RBM38: variants seen among roughly 807,000 people sequenced by gnomAD.
RBM38 encodes RNA binding motif protein 38, also known as RNA-binding protein 38.
In RBM38, 11 loss-of-function variants were observed where a neutral mutation model predicts 23.5. That is an observed-to-expected ratio of 0.47 (90% CI 0.29 to 0.77). The LOEUF is 0.77. Among genes scored for constraint, RBM38 ranks in the 30% least tolerant of loss-of-function variants. The pLI, the probability that RBM38 is intolerant of heterozygous loss-of-function variation, is 0.08. For synonymous variants in RBM38, 165 were observed against 166.1 expected, an observed-to-expected ratio of 0.99 and a Z score of 0.05; for missense variants, 330 against 351.9, an observed-to-expected ratio of 0.94 and a Z score of 0.50.
intron 3 of RBM38, among the ~76,000 whole-genome samples, chr20:57,395,831 C>T (rs2146205486): frequency 6.6e-6 from 1 of 152,312 alleles, no homozygotes; most frequent in Non-Finnish European, 1.5e-5. Flanking sequence ...CAATCAGGCC[C>T]CGGGAGCACA....
intron 3 of RBM38, among the ~76,000 whole-genome samples, chr20:57,396,028 T>A (rs1175953829): frequency 6.6e-6 from 1 of 152,242 alleles, no homozygotes; most frequent in Non-Finnish European, 1.5e-5. Flanking sequence ...TACCTTGCCC[T>A]GGACAACTCT....
rs1432356727 is a variant in RBM38, at chr20:57,407,407, G to A, written c.417-136G>A. ...AGGCGGCAGCATCTGGCCAGGTGCT[G>A]TTTCTGTGCCCATCTGACCGATGAG... On this transcript the variant is annotated intron_variant, in intron 3 of 3. Transcript: ENST00000356208. The surrounding 1 kb of genome is among the most constrained non-coding windows in gnomAD (Gnocchi z 4.0). 8.8e-6 allele frequency: 9 copies of A among 1,025,170 alleles called. No individual in the cohort carries two copies. The highest frequency in any genetic ancestry group is 2.3e-5 in the Admixed American group (1 of 43,564). 63.5% of individuals were successfully genotyped at this position (1,025,170 alleles called of 1,614,324 possible).
chr20:57,396,839 A>G (rs1415934549), intron 3 of RBM38, among the ~76,000 whole-genome samples: 1 of 152,216 alleles, frequency 6.6e-6, no homozygotes, highest in Non-Finnish European at 1.5e-5. Flanking sequence ...ACGGCTCCAG[A>G]CATCCCACCC....
At chr20:57,392,435 CTTGAACT>C (rs770029294) in intron 1 of RBM38, 50 of 1,530,538 alleles carry the variant, frequency 3.3e-5, no homozygotes, top group Non-Finnish European at 4.3e-5. Flanking sequence ...TTTCCCAGGC[CTTGAACT>C]TTGACGGGAG....
At chr20:57,393,372 G>A (rs1225525332) in intron 3 of RBM38, 39 bp downstream of exon 3, 2 of 1,601,720 alleles carry the variant, frequency 1.2e-6, no homozygotes, top group Non-Finnish European at 1.7e-6. Context: ...GTAGTCCGTG[G>A]AGATGAAGTG....
chr20:57,396,635 G>A (rs886127169), intron 3 of RBM38, among the ~76,000 whole-genome samples: 2 of 152,196 alleles, frequency 1.3e-5, no homozygotes, highest in African/African-American at 4.8e-5. Flanking sequence ...TGCCTCATAT[G>A]TACATTATAG....
intron 2 of RBM38, 24 bp downstream of exon 2, chr20:57,392,801 T>G: frequency 6.2e-7 from 1 of 1,608,378 alleles, no homozygotes; most frequent in Non-Finnish European, 8.5e-7. Context: ...TTTTCCTGCC[T>G]GGCTCTTCTC....
intron 3 of RBM38, among the ~76,000 whole-genome samples, chr20:57,406,807 C>A (rs987206644): frequency 6.6e-6 from 1 of 152,108 alleles, no homozygotes; most frequent in African/African-American, 2.4e-5. Context: ...TCCTGGCTAA[C>A]ACGGTGAAAC....
At position 57,405,217 on chromosome 20, in the gene RBM38, T is replaced by A. The variant is rs552770820; in HGVS notation, c.417-2326T>A. On this transcript the variant is annotated intron_variant, in intron 3 of 3. Transcript: ENST00000356208. ...TGAGCCCCCCACTCTGGTTTATGGGTTGGTGCATTTTGGTGCCTCTCCCAT... is the reference window on the plus strand; with the variant it reads ...TGAGCCCCCCACTCTGGTTTATGGGATGGTGCATTTTGGTGCCTCTCCCAT... Among the ~76,000 whole-genome samples, 299 of 152,262 alleles carry A rather than the reference T, an allele frequency of 2.0e-3. 1 individual carries two copies. Among genetic ancestry groups the A allele is most frequent in the Non-Finnish European group, 1.6e-3 (110 of 68,010 alleles).
intron 3 of RBM38, among the ~76,000 whole-genome samples, chr20:57,404,378 C>T (rs898875922): frequency 6.6e-5 from 10 of 152,276 alleles, no homozygotes; most frequent in African/African-American, 2.4e-4. Flanking sequence ...GAGGCAGGGG[C>T]ATCACTGCCC....
At chr20:57,406,169 C>T (rs997410619) in intron 3 of RBM38, among the ~76,000 whole-genome samples, 3 of 152,328 alleles carry the variant, frequency 2.0e-5, no homozygotes, top group Non-Finnish European at 2.9e-5. Context: ...TCTGATGCCG[C>T]GGAGGTGGCT....
At chr20:57,394,079 C>T (rs992623119) in intron 3 of RBM38, among the ~76,000 whole-genome samples, 8 of 152,156 alleles carry the variant, frequency 5.3e-5, no homozygotes, top group African/African-American at 1.9e-4. Context: ...GCCCTAGCGC[C>T]GTGGCATATT....
At chr20:57,393,155 G>A in intron 2 of RBM38, 124 bp from the exon 3 acceptor site, 1 of 946,998 alleles carries the variant, frequency 1.1e-6, no homozygotes, top group South Asian at 1.4e-5. Context: ...TGGGAGGGGA[G>A]AGGAAGCGGA....
At chr20:57,400,041 T>C in intron 3 of RBM38, 1 of 453,538 alleles carries the variant, frequency 2.2e-6, no homozygotes, top group South Asian at 1.6e-5. Flanking sequence ...TGTACTTCTC[T>C]CTCCCGCCCA....
At chr20:57,393,928 C>G (rs1318928138) in intron 3 of RBM38, among the ~76,000 whole-genome samples, 1 of 152,108 alleles carries the variant, frequency 6.6e-6, no homozygotes, top group Non-Finnish European at 1.5e-5. Flanking sequence ...CATCCTAAAA[C>G]GCCTCCCACC....
chr20:57,396,531 T>G (rs2067276362), intron 3 of RBM38, among the ~76,000 whole-genome samples: 2 of 152,204 alleles, frequency 1.3e-5, no homozygotes, highest in African/African-American at 4.8e-5. Context: ...AGCCTCTCCT[T>G]GGGTTATTTT....
intron 3 of RBM38, among the ~76,000 whole-genome samples, chr20:57,404,134 T>G (rs2146216926): frequency 6.6e-6 from 1 of 152,292 alleles, no homozygotes; most frequent in South Asian, 2.1e-4. Flanking sequence ...CCCGATGATG[T>G]GGGGCATCAG....
At chr20:57,394,395 C>G (rs2067253381) in intron 3 of RBM38, among the ~76,000 whole-genome samples, 1 of 152,024 alleles carries the variant, frequency 6.6e-6, no homozygotes, top group Non-Finnish European at 1.5e-5. Flanking sequence ...TTGCTGTGCC[C>G]ACTTTTTGGG....
In RBM38 at chr20:57,407,991, G is replaced by A. The variant is rs903061558; in HGVS notation, c.*145G>A. The A allele has an allele frequency of 1.0e-5, 10 of 974,192 alleles. No homozygotes were observed. The highest frequency in any genetic ancestry group is 3.3e-5 in the African/African-American group (2 of 60,888). The allele number at this position is 974,192 out of a possible 1,614,324, so 60.3% of individuals were successfully genotyped here. On this transcript the variant is annotated 3_prime_UTR_variant, in exon 4 of 4. Coordinates refer to ENST00000356208, the MANE Select transcript of RBM38 (RefSeq NM_017495.6). This position sits in a 1 kb window ranked among gnomAD's most constrained non-coding sequence, Gnocchi z 4.0. ...CCTCCGAAGACCGCTCGGGCATTCC[G>A]CCTGCGCCCTGGGACAGCGGAGAGA...
Sources: allele counts gnomAD v4.1 joint callset (sites outside exome capture counted in the v4.1 genomes callset), GRCh38; gene constraint gnomAD v4.1.1; non-coding constraint Gnocchi (gnomAD v3.1); transcripts MANE v1.5; gene names NCBI Gene and HGNC (gene_info 2026-07-23, HGNC 2026-07-21).